Variants in SRD5A2 observed in about 807,000 individuals in gnomAD.
SRD5A2 encodes the protein steroid 5 alpha-reductase 2.
A neutral mutation model predicts 27.4 loss-of-function variants in SRD5A2; 30 were observed. The observed-to-expected ratio is 1.10, with a 90% CI of 0.82 to 1.49. The LOEUF (loss-of-function observed/expected upper bound fraction) is 1.49. Ranked by LOEUF, SRD5A2 falls within the 40% of genes most tolerant of loss-of-function variation. The probability of loss-of-function intolerance (pLI) is 0.00; values close to 1 mark genes in which losing one functional copy is unlikely to be tolerated. For synonymous variants in SRD5A2, 141 were observed against 133.6 expected (o/e 1.06, Z -0.38); for missense variants, 348 against 323.4 (o/e 1.08, Z -0.58).
the SRD5A2 span, among the ~76,000 whole-genome samples, chr2:31,596,736 T>A: frequency 6.6e-6 from 1 of 152,004 alleles, no homozygotes; most frequent in Admixed American, 6.6e-5. Context: ...ATAACCCCTT[T>A]CAGAATAGCT....
chr2:31,573,655 C>T (rs1666896602), intron 1 of SRD5A2, among the ~76,000 whole-genome samples: 1 of 152,160 alleles, frequency 6.6e-6, no homozygotes, highest in Admixed American at 6.5e-5. Context: ...TTCCACTGTC[C>T]CTCACCCATT....
At chr2:31,625,261 C>A in the SRD5A2 span, among the ~76,000 whole-genome samples, 1 of 152,092 alleles carries the variant, frequency 6.6e-6, no homozygotes, top group South Asian at 2.1e-4. Flanking sequence ...TGGATATTAA[C>A]CCTTCGTCAG....
Position 31,524,327 on chromosome 2 carries a change from C to T in SRD5A2, c.*1869G>A, listed in dbSNP as rs1448961188. 4.4e-6 allele frequency: 1 copy of T among 228,136 alleles called. No homozygotes were observed. Among genetic ancestry groups the T allele is most frequent in the Non-Finnish European group, 8.7e-6 (1 of 114,962 alleles). 14.1% of individuals were successfully genotyped at this position (228,136 alleles called of 1,614,324 possible). A position where few individuals can be genotyped will look rare whatever the true frequency, so the allele number is the denominator to read the frequency against. On this transcript the variant is annotated 3_prime_UTR_variant, in exon 5 of 5. Transcript: ENST00000622030. ...CCTCAGCACCAGGAGTGGCATCTAA[C>T]CTCATGACGTTTTCCTGCACCTTTA...
At chr2:31,545,439 G>C (rs1026230380) in intron 1 of SRD5A2, among the ~76,000 whole-genome samples, 2 of 152,078 alleles carry the variant, frequency 1.3e-5, no homozygotes, top group African/African-American at 4.8e-5. Context: ...AAATCAATCA[G>C]TGTAATCCAT....
chr2:31,524,346 A>T lies in SRD5A2; in HGVS notation c.*1850T>A, dbSNP rs907747745. 8.8e-6 allele frequency: 2 copies of T among 227,450 alleles called. No individual in the cohort carries two copies. The highest frequency in any genetic ancestry group is 1.7e-5 in the Non-Finnish European group (2 of 114,512). The allele number at this position is 227,450 out of a possible 1,614,324, so 14.1% of individuals were successfully genotyped here. On this transcript the variant is annotated 3_prime_UTR_variant, in exon 5 of 5. Coordinates refer to ENST00000622030, the MANE Select transcript of SRD5A2 (RefSeq NM_000348.4). The stretch of plus-strand genomic sequence containing the variant: ...ATCTAACCTCATGACGTTTTCCTGC[A>T]CCTTTATTGTACTTCCTTGTAGTTC...
the SRD5A2 span, among the ~76,000 whole-genome samples, chr2:31,629,342 T>C: frequency 7.3e-3 from 1,109 of 152,196 alleles, 17 homozygotes; most frequent in African/African-American, 0.025. Context: ...CCCACCACCA[T>C]CTTGGGAGCT....
intron 1 of SRD5A2, 133 bp downstream of exon 1, chr2:31,580,487 C>T: frequency 1.7e-6 from 2 of 1,164,176 alleles, no homozygotes; most frequent in South Asian, 1.7e-5. Flanking sequence ...GCCAGGCAGG[C>T]TGGCCTCCGC....
chr2:31,655,846 GA>G, the SRD5A2 span, among the ~76,000 whole-genome samples: 1 of 152,148 alleles, frequency 6.6e-6, no homozygotes, highest in Non-Finnish European at 1.5e-5. Context: ...TAGACAGAAA[GA>G]AACTAAAAAT....
At chr2:31,606,428 C>T in the SRD5A2 span, among the ~76,000 whole-genome samples, 1 of 151,642 alleles carries the variant, frequency 6.6e-6, no homozygotes, top group Admixed American at 6.6e-5. Flanking sequence ...TATCATGTAC[C>T]CACAAAAATT....
chr2:31,646,325 T>G, the SRD5A2 span, among the ~76,000 whole-genome samples: 1 of 152,174 alleles, frequency 6.6e-6, no homozygotes, highest in Non-Finnish European at 1.5e-5. Context: ...TACCTGTATG[T>G]CAGGCTCCAG....
intron 1 of SRD5A2, among the ~76,000 whole-genome samples, chr2:31,575,549 C>T (rs1018303011): frequency 2.0e-5 from 3 of 152,162 alleles, no homozygotes; most frequent in African/African-American, 7.2e-5. Context: ...GATGCCTGAC[C>T]TGAATCTTGA....
upstream of SRD5A2, among the ~76,000 whole-genome samples, chr2:31,585,143 G>A (rs1004951930): frequency 2.6e-5 from 4 of 152,236 alleles, no homozygotes; most frequent in African/African-American, 9.7e-5. Flanking sequence ...AATTCCAGCA[G>A]TCAGAATTTC....
the SRD5A2 span, among the ~76,000 whole-genome samples, chr2:31,589,180 T>A: frequency 6.6e-6 from 1 of 152,044 alleles, no homozygotes; most frequent in Admixed American, 6.6e-5. Flanking sequence ...AAGCAAAACA[T>A]AAAAGTAGAA....
the SRD5A2 span, among the ~76,000 whole-genome samples, chr2:31,587,196 C>T: frequency 2.6e-5 from 4 of 152,252 alleles, no homozygotes; most frequent in South Asian, 8.3e-4. Flanking sequence ...CAATAAGATA[C>T]CATCTCATTG....
chr2:31,584,254 G>C (rs938108278), upstream of SRD5A2, among the ~76,000 whole-genome samples: 3 of 152,118 alleles, frequency 2.0e-5, no homozygotes, highest in African/African-American at 7.2e-5. Flanking sequence ...ACAGAGTATT[G>C]GAATTAGGTA....
rs1337620173 is a variant in SRD5A2, at chr2:31,523,918, T to C, written c.*2278A>G. 3 of 218,634 alleles carry C rather than the reference T, an allele frequency of 1.4e-5. No individual in the cohort carries two copies. The highest frequency in any genetic ancestry group is 4.5e-5 in the African/African-American group (2 of 44,534). 13.5% of individuals were successfully genotyped at this position (218,634 alleles called of 1,614,324 possible). A position where few individuals can be genotyped will look rare whatever the true frequency, so the allele number is the denominator to read the frequency against. On this transcript the variant is annotated 3_prime_UTR_variant, in exon 5 of 5. Coordinates refer to ENST00000622030, the MANE Select transcript of SRD5A2 (RefSeq NM_000348.4). ...TATCAAGGGAAGGTTTCAGCTTTCA[T>C]AGAGTTCACGCTACTCTACCCTATA...
chr2:31,620,371 A>T, the SRD5A2 span, among the ~76,000 whole-genome samples: 2 of 152,110 alleles, frequency 1.3e-5, no homozygotes, highest in African/African-American at 4.8e-5. Flanking sequence ...AGTGCATTCA[A>T]ATAGGAAGAG....
chr2:31,593,976 T>C, the SRD5A2 span, among the ~76,000 whole-genome samples: 1 of 152,188 alleles, frequency 6.6e-6, no homozygotes, highest in South Asian at 2.1e-4. Context: ...GATAAAGTCT[T>C]TTCCAAACAA....
chr2:31,606,940 C>T, the SRD5A2 span, among the ~76,000 whole-genome samples: 2 of 151,966 alleles, frequency 1.3e-5, no homozygotes, highest in Non-Finnish European at 2.9e-5. Context: ...TAATCTTTCA[C>T]ATGCTTTCAA....
Sources: gnomAD v4.1 joint callset for allele counts (sites outside exome capture counted in the v4.1 genomes callset) on GRCh38, gnomAD v4.1.1 for gene constraint, MANE v1.5 for transcripts, NCBI Gene and HGNC (gene_info 2026-07-23, HGNC 2026-07-21) for gene names.